Variants in MACROD2 observed in about 807,000 individuals in gnomAD.
The protein encoded by MACROD2 is mono-ADP ribosylhydrolase 2, also known as ADP-ribose glycohydrolase MACROD2.
Under a neutral mutation model 70.4 loss-of-function variants are expected in MACROD2, and 36 were observed. The observed-to-expected ratio is 0.51, with a 90% CI of 0.39 to 0.68. The LOEUF is 0.68. MACROD2 is among the 30% of genes least tolerant of loss of function. The pLI, the probability that MACROD2 is intolerant of heterozygous loss-of-function variation, is 0.00. For synonymous variants in MACROD2, 172 were observed against 178.8 expected (o/e 0.96, Z 0.30); for missense variants, 496 against 538.4 (o/e 0.92, Z 0.78).
At chr20:14,770,499 G>T (rs930315044) in intron 5 of MACROD2, among the ~76,000 whole-genome samples, 1 of 151,978 alleles carries the variant, frequency 6.6e-6, no homozygotes, top group East Asian at 1.9e-4. Flanking sequence ...AATAGCTCTC[G>T]TAGATTTACA....
At chr20:14,693,928 A>G (rs1466656604) in intron 5 of MACROD2, among the ~76,000 whole-genome samples, 1 of 152,166 alleles carries the variant, frequency 6.6e-6, no homozygotes, top group Non-Finnish European at 1.5e-5. Context: ...AATACATGGC[A>G]CACTTGATTT....
intron 8 of MACROD2, among the ~76,000 whole-genome samples, chr20:15,828,433 A>T (rs1281805479): frequency 6.6e-6 from 1 of 152,138 alleles, no homozygotes; most frequent in Non-Finnish European, 1.5e-5. Context: ...CTCCCCTCAA[A>T]ATGATCAGAT....
chr20:14,293,191 C>A (rs996796750), intron 3 of MACROD2, among the ~76,000 whole-genome samples: 1 of 151,630 alleles, frequency 6.6e-6, no homozygotes, highest in African/African-American at 2.4e-5. Context: ...TGAGCACCTA[C>A]TAGATACCAT....
chr20:14,203,249 CATCT>C (rs200089974), intron 3 of MACROD2, among the ~76,000 whole-genome samples: 2,030 of 152,140 alleles, frequency 0.013, 19 homozygotes, highest in South Asian at 0.036. Context: ...TTCTTTTAAA[CATCT>C]ATCTCTTTAT....
chr20:14,744,982 G>A (rs2071781190), intron 5 of MACROD2, among the ~76,000 whole-genome samples: 1 of 152,104 alleles, frequency 6.6e-6, no homozygotes, highest in Non-Finnish European at 1.5e-5. Flanking sequence ...CCACTGTAGT[G>A]CATTTATTTT....
intron 5 of MACROD2, among the ~76,000 whole-genome samples, chr20:14,834,519 G>A (rs192021975): frequency 1.3e-5 from 2 of 151,984 alleles, no homozygotes; most frequent in Admixed American, 6.6e-5. Context: ...GTTAAAATTC[G>A]AAGGGACCCA....
At chr20:14,041,175 AAG>A (rs945566335) in intron 2 of MACROD2, among the ~76,000 whole-genome samples, 14 of 152,360 alleles carry the variant, frequency 9.2e-5, no homozygotes, top group Middle Eastern at 3.4e-3. Flanking sequence ...ACTTTTATAA[AAG>A]AGAATATTTA....
intron 8 of MACROD2, among the ~76,000 whole-genome samples, chr20:15,507,752 T>C (rs1376366920): frequency 2.6e-5 from 4 of 152,186 alleles, no homozygotes; most frequent in Non-Finnish European, 5.9e-5. Flanking sequence ...CACTTCCAGC[T>C]TCACCCTGCT....
rs180770860 is a variant in MACROD2 at position 14,514,951 on chromosome 20, A to G, written c.301+21443A>G. Among the ~76,000 whole-genome samples the G allele has an allele frequency of 3.0e-3, 456 of 152,216 alleles. 9 individuals carry two copies. Among genetic ancestry groups the G allele is most frequent in the Admixed American group, 0.028 (425 of 15,268 alleles). ...CACATTTTATTTAAGAATATTCTAG[A>G]TGAGGAAGCAATAATTGAACAACTA... On this transcript the variant is annotated intron_variant, in intron 4 of 17. Transcript: ENST00000684519.
At position 15,823,316 on chromosome 20, in the gene MACROD2, G is replaced by GTGTGTGTATGTGTGTA. The variant is rs139668215; in HGVS notation, c.646-39424_646-39423insGTATGTGTGTATGTGT. Reference sequence around the variant, plus strand: ...TGTGTGTGTGTGTGTGTGTGTGTGTGTGTGTCTATAGCTGTCTATGCGAAG... The same window carrying GTGTGTGTATGTGTGTA: ...TGTGTGTGTGTGTGTGTGTGTGTGTGTGTGTGTATGTGTGTATGTGTCTATAGCTGTCTATGCGAAG... On this transcript the variant is annotated intron_variant, in intron 8 of 17. Coordinates refer to ENST00000684519, the MANE Select transcript of MACROD2 (RefSeq NM_001351661.2). Among the ~76,000 whole-genome samples the GTGTGTGTATGTGTGTA allele has an allele frequency of 5.7e-4, 85 of 148,150 alleles. 1 individual carries two copies. The highest frequency in any genetic ancestry group is 6.0e-4 in the East Asian group (3 of 5,034).
intron 5 of MACROD2, chr20:14,935,212 G>T (rs1389906537): frequency 6.6e-6 from 1 of 151,902 alleles, no homozygotes; most frequent in Non-Finnish European, 1.5e-5. Flanking sequence ...TTAAATCTTT[G>T]TTCATTAACT....
At chr20:15,893,545 CG>C in intron 10 of MACROD2, 1 of 364,518 alleles carries the variant, frequency 2.7e-6, no homozygotes, top group Non-Finnish European at 5.4e-6. Flanking sequence ...ATAAATGACA[CG>C]GTCTCTCTTT....
chr20:14,962,216 A>C (rs1431815013), intron 5 of MACROD2, among the ~76,000 whole-genome samples: 1 of 152,094 alleles, frequency 6.6e-6, no homozygotes, highest in African/African-American at 2.4e-5. Flanking sequence ...CCAGCCTATA[A>C]CTGGTTCTCA....
intron 5 of MACROD2, among the ~76,000 whole-genome samples, chr20:14,915,397 CTGTT>C (rs1269955081): frequency 6.6e-6 from 1 of 152,174 alleles, no homozygotes; most frequent in Non-Finnish European, 1.5e-5. Context: ...GGAACAGAAA[CTGTT>C]TGGGGAAGAT....
intron 3 of MACROD2, among the ~76,000 whole-genome samples, chr20:14,263,495 C>T (rs1375522540): frequency 6.6e-6 from 1 of 152,132 alleles, no homozygotes; most frequent in Non-Finnish European, 1.5e-5. Flanking sequence ...TCTCCACTTT[C>T]TCCCTTTCAG....
chr20:15,692,019 A>T (rs546631193), intron 8 of MACROD2, among the ~76,000 whole-genome samples: 163 of 152,314 alleles, frequency 1.1e-3, no homozygotes, highest in Admixed American at 2.4e-3. Flanking sequence ...CACTCTAATT[A>T]TAATTGGGTT....
At chr20:15,044,634 G>T (rs2075379478) in intron 5 of MACROD2, among the ~76,000 whole-genome samples, 1 of 152,132 alleles carries the variant, frequency 6.6e-6, no homozygotes, top group South Asian at 2.1e-4. Context: ...GAGAGTAAAG[G>T]TGAGGTGTTT....
At chr20:15,407,186 G>A (rs1384575509) in intron 6 of MACROD2, among the ~76,000 whole-genome samples, 1 of 152,128 alleles carries the variant, frequency 6.6e-6, no homozygotes, top group African/African-American at 2.4e-5. Context: ...TGCAACTCAG[G>A]CCTAGAGGTG....
chr20:14,020,942 G>A (rs144538753), intron 2 of MACROD2, among the ~76,000 whole-genome samples: 144 of 150,616 alleles, frequency 9.6e-4, no homozygotes, highest in Non-Finnish European at 5.0e-4. Flanking sequence ...GGTCATGTAC[G>A]TGACTTTCTA....
Sources: allele counts gnomAD v4.1 joint callset (sites outside exome capture counted in the v4.1 genomes callset), GRCh38; gene constraint gnomAD v4.1.1; transcripts MANE v1.5; gene names NCBI Gene and HGNC (gene_info 2026-07-23, HGNC 2026-07-21).